IFI27L1: variants seen among roughly 807,000 people sequenced by gnomAD.
The protein encoded by IFI27L1 is interferon alpha-inducible protein 27-like protein 1.
In IFI27L1, 3 loss-of-function variants were observed where a neutral mutation model predicts 9.2. The observed-to-expected ratio is 0.32, with a 90% CI of 0.15 to 0.84. The LOEUF is 0.84. Ranked by LOEUF, IFI27L1 falls within the 40% of genes least tolerant of loss-of-function variation. The pLI is 0.56. For missense variants in IFI27L1, 133 were observed against 134.2 expected, an observed-to-expected ratio of 0.99 and a Z score of 0.05; for synonymous variants, 53 against 50.0, an observed-to-expected ratio of 1.06 and a Z score of -0.26.
intron 2 of IFI27L1, among the ~76,000 whole-genome samples, chr14:94,099,194 C>A (rs141309876): frequency 6.6e-6 from 1 of 152,132 alleles, no homozygotes; most frequent in Non-Finnish European, 1.5e-5. Flanking sequence ...GCGCACAGGG[C>A]GGCAGGCGCA....
intron 1 of IFI27L1, among the ~76,000 whole-genome samples, chr14:94,089,958 G>A (rs1395099286): frequency 6.6e-6 from 1 of 152,052 alleles, no homozygotes; most frequent in African/African-American, 2.4e-5. Flanking sequence ...TGGAAGATTA[G>A]TAAGTGTTCA....
intron 1 of IFI27L1, among the ~76,000 whole-genome samples, chr14:94,095,170 G>A (rs1886624352): frequency 6.6e-6 from 1 of 152,132 alleles, no homozygotes; most frequent in South Asian, 2.1e-4. Flanking sequence ...AAGTAGCTGG[G>A]ACTGCAGGTA....
intron 1 of IFI27L1, among the ~76,000 whole-genome samples, chr14:94,096,651 G>A (rs2139271799): frequency 6.8e-6 from 1 of 146,942 alleles, no homozygotes; most frequent in East Asian, 2.0e-4. Flanking sequence ...CAGAGATTGT[G>A]CCACTGCACT....
intron 1 of IFI27L1, among the ~76,000 whole-genome samples, chr14:94,087,821 A>G (rs899224489): frequency 7.2e-5 from 11 of 152,274 alleles, no homozygotes; most frequent in African/African-American, 2.2e-4. Context: ...ATTCATGTGC[A>G]GATATTTGTG....
intron 2 of IFI27L1, among the ~76,000 whole-genome samples, chr14:94,098,680 G>A (rs1886770628): frequency 6.6e-6 from 1 of 152,212 alleles, no homozygotes; most frequent in Non-Finnish European, 1.5e-5. Context: ...GGGCACCAAG[G>A]AGGTCAGTGG....
intron 1 of IFI27L1, among the ~76,000 whole-genome samples, chr14:94,082,492 G>T (rs886087645): frequency 6.6e-6 from 1 of 152,238 alleles, no homozygotes; most frequent in Non-Finnish European, 1.5e-5. Flanking sequence ...GGAAGAAGAC[G>T]CCATCAAGGA....
At chr14:94,101,176 C>T in intron 3 of IFI27L1, 1 of 364,334 alleles carries the variant, frequency 2.7e-6, no homozygotes, top group Non-Finnish European at 5.1e-6. Context: ...TCCACTGAGT[C>T]AGAAGCTTTT....
intron 1 of IFI27L1, among the ~76,000 whole-genome samples, chr14:94,091,985 G>T (rs1886492356): frequency 6.6e-6 from 1 of 151,776 alleles, no homozygotes. Context: ...AATTAGCCAC[G>T]CATGGTGGCG....
intron 1 of IFI27L1, among the ~76,000 whole-genome samples, chr14:94,083,903 A>G (rs889942222): frequency 6.6e-6 from 1 of 152,090 alleles, no homozygotes; most frequent in African/African-American, 2.4e-5. Context: ...CAGCATGGAC[A>G]ACATAGCAAG....
chr14:94,086,692 T>G (rs779738842), intron 1 of IFI27L1, among the ~76,000 whole-genome samples: 1 of 152,140 alleles, frequency 6.6e-6, no homozygotes, highest in African/African-American at 2.4e-5. Flanking sequence ...CCTAATCAAT[T>G]ACTCTTAGAA....
At chr14:94,086,177 G>A (rs117472548) in intron 1 of IFI27L1, among the ~76,000 whole-genome samples, 109 of 152,224 alleles carry the variant, frequency 7.2e-4, no homozygotes, top group Admixed American at 8.5e-4. Context: ...GTTTAAAAGT[G>A]TGTGGCGCCT....
chr14:94,087,315 T>C (rs1286062893), intron 1 of IFI27L1, among the ~76,000 whole-genome samples: 1 of 152,256 alleles, frequency 6.6e-6, no homozygotes, highest in Non-Finnish European at 1.5e-5. Flanking sequence ...TTGCAATTTT[T>C]GCAGATGATA....
intron 1 of IFI27L1, among the ~76,000 whole-genome samples, chr14:94,093,023 G>A (rs552038987): frequency 1.3e-5 from 2 of 151,764 alleles, no homozygotes; most frequent in South Asian, 4.2e-4. Context: ...GTAGAGATGG[G>A]GTTTCACCAT....
intron 1 of IFI27L1, among the ~76,000 whole-genome samples, chr14:94,090,592 G>A (rs1214204564): frequency 1.3e-5 from 2 of 152,162 alleles, no homozygotes; most frequent in Non-Finnish European, 2.9e-5. Context: ...CTCTCCTTAA[G>A]AGGTTTCAAG....
chr14:94,083,934 AAAAG>A (rs961139921), intron 1 of IFI27L1, among the ~76,000 whole-genome samples: 14 of 152,266 alleles, frequency 9.2e-5, no homozygotes, highest in Admixed American at 1.3e-4. Flanking sequence ...TAAAAAAAGA[AAAAG>A]AAAGAAGGAA....
intron 1 of IFI27L1, among the ~76,000 whole-genome samples, chr14:94,089,461 A>G (rs979531147): frequency 1.3e-5 from 2 of 152,164 alleles, no homozygotes; most frequent in African/African-American, 4.8e-5. Context: ...GTAGCATGCT[A>G]ATGCATTATA....
At position 94,085,485 on chromosome 14, in the gene IFI27L1, A is replaced by T. The variant is rs141635204; in HGVS notation, c.-52+4036A>T. Reference sequence around the variant, plus strand: ...TGTCATCACACATTTCTTTATAAGCATACACATACCTTTCATATAGTATAA... The same window carrying T: ...TGTCATCACACATTTCTTTATAAGCTTACACATACCTTTCATATAGTATAA... On this transcript the variant is annotated intron_variant, in intron 1 of 4. Coordinates refer to ENST00000555523, the MANE Select transcript of IFI27L1 (RefSeq NM_206949.3). Among the ~76,000 whole-genome samples, 164 of 152,362 alleles carry T rather than the reference A, an allele frequency of 1.1e-3. 3 individuals are homozygous for T. In the South Asian group the frequency reaches 0.017, roughly 15 times the overall value.
At chr14:94,084,676 A>G (rs1886220528) in intron 1 of IFI27L1, among the ~76,000 whole-genome samples, 2 of 152,210 alleles carry the variant, frequency 1.3e-5, no homozygotes, top group Admixed American at 6.5e-5. Context: ...TTCAATTGAG[A>G]CATGGCATTA....
At chr14:94,096,841 C>A in intron 1 of IFI27L1, 46 bp from the exon 2 acceptor site, 1 of 1,085,896 alleles carries the variant, frequency 9.2e-7, no homozygotes, top group Non-Finnish European at 1.4e-6. Context: ...ATTAATGCAG[C>A]TTTATTCAAA....
Sources: allele counts gnomAD v4.1 joint callset (sites outside exome capture counted in the v4.1 genomes callset), GRCh38; gene constraint gnomAD v4.1.1; transcripts MANE v1.5; gene names NCBI Gene and HGNC (gene_info 2026-07-23, HGNC 2026-07-21).